The following SLC4A8 variants were observed in gnomAD, a reference collection of about 807,000 sequenced individuals.
The protein encoded by SLC4A8 is electroneutral sodium bicarbonate exchanger 1.
SLC4A8 carries 40 observed loss-of-function variants against 125.0 expected under a neutral mutation model. The ratio of observed to expected loss-of-function variants is 0.32; its 90% confidence interval spans 0.25 to 0.42. The LOEUF (loss-of-function observed/expected upper bound fraction) is 0.42, where lower values mean the gene tolerates loss of function less well. Ranked by LOEUF, SLC4A8 falls within the 10% of genes least tolerant of loss-of-function variation. SLC4A8 has a pLI of 1.00. For synonymous variants in SLC4A8, 456 were observed against 476.0 expected (o/e 0.96, Z 0.55); for missense variants, 863 against 1,355.1 (o/e 0.64, Z 5.70).
chr12:51,505,613 G>C (rs928906768), intron 23 of SLC4A8, among the ~76,000 whole-genome samples: 2 of 152,222 alleles, frequency 1.3e-5, no homozygotes, highest in African/African-American at 4.8e-5. Flanking sequence ...TGGCACACCA[G>C]CCCAGCTTTC....
intron 24 of SLC4A8, among the ~76,000 whole-genome samples, chr12:51,506,589 C>T (rs993049298): frequency 1.3e-5 from 2 of 152,062 alleles, no homozygotes; most frequent in Non-Finnish European, 2.9e-5. Flanking sequence ...TGCATGCCAC[C>T]CCTGCCAGAT....
intron 14 of SLC4A8, among the ~76,000 whole-genome samples, chr12:51,473,581 C>A (rs139479063): frequency 2.6e-5 from 4 of 152,290 alleles, no homozygotes; most frequent in African/African-American, 9.6e-5. Context: ...AGAAGGCATG[C>A]TTATTAAATT....
At chr12:51,479,374 T>C (rs1432057596) in intron 16 of SLC4A8, among the ~76,000 whole-genome samples, 2 of 152,188 alleles carry the variant, frequency 1.3e-5, no homozygotes, top group East Asian at 3.9e-4. Flanking sequence ...TGGAGGATGA[T>C]TGGGTGTTTG....
intron 21 of SLC4A8, among the ~76,000 whole-genome samples, chr12:51,496,342 G>GCCCT (rs1321893651): frequency 6.6e-6 from 1 of 152,082 alleles, no homozygotes; most frequent in Non-Finnish European, 1.5e-5. Context: ...GGCTAAAATG[G>GCCCT]CCCTCATGGA....
At chr12:51,469,557 T>C (rs1592237922) in intron 11 of SLC4A8, 57 bp from the exon 12 acceptor site, 1 of 1,500,656 alleles carries the variant, frequency 6.7e-7, no homozygotes, top group East Asian at 2.3e-5. Context: ...GTGTGCTGTT[T>C]ACATGCTTTT....
At chr12:51,424,059 A>AC (rs1565762185), upstream of SLC4A8, among the ~76,000 whole-genome samples, 1 of 66,096 alleles carries the variant, frequency 1.5e-5, no homozygotes, top group African/African-American at 5.1e-5. Flanking sequence ...AAAAACAAAA[A>AC]AAACAACAAA....
chr12:51,487,282 G>A (rs905609261), intron 17 of SLC4A8, among the ~76,000 whole-genome samples: 1 of 152,108 alleles, frequency 6.6e-6, no homozygotes, highest in Non-Finnish European at 1.5e-5. Flanking sequence ...CCAATCTGAA[G>A]GCTAGTACTA....
chr12:51,395,692 G>C (rs1241133232), intron 1 of SLC4A8, among the ~76,000 whole-genome samples: 1 of 152,156 alleles, frequency 6.6e-6, no homozygotes, highest in African/African-American at 2.4e-5. Flanking sequence ...GGTTAGTAGG[G>C]AGGCCAGCTG....
chr12:51,500,207 C>T (rs148982066), intron 22 of SLC4A8, among the ~76,000 whole-genome samples: 2 of 152,184 alleles, frequency 1.3e-5, no homozygotes, highest in African/African-American at 4.8e-5. Context: ...ATGTTAAGTT[C>T]GAGGTGGCTG....
At chr12:51,483,465 C>CTT (rs1951082057) in intron 16 of SLC4A8, among the ~76,000 whole-genome samples, 2 of 147,426 alleles carry the variant, frequency 1.4e-5, no homozygotes, top group Non-Finnish European at 3.0e-5. Flanking sequence ...TTCTTTTTTT[C>CTT]TTTTCTCTTT....
At chr12:51,500,656 G>T (rs1013484242) in intron 22 of SLC4A8, among the ~76,000 whole-genome samples, 7 of 151,336 alleles carry the variant, frequency 4.6e-5, no homozygotes, top group Non-Finnish European at 8.8e-5. Context: ...TTTTTTCTCT[G>T]TAATTATTTT....
intron 19 of SLC4A8, among the ~76,000 whole-genome samples, chr12:51,493,118 G>T (rs748565084): frequency 6.6e-6 from 1 of 152,116 alleles, no homozygotes; most frequent in Non-Finnish European, 1.5e-5. Flanking sequence ...TCAATCTGAA[G>T]ATTACCTAGG....
In SLC4A8 at chr12:51,453,776, CAGAA is replaced by C. The variant is rs909741883; in HGVS notation, c.574+82_574+85del. On this transcript the variant is annotated intron_variant, in intron 5 of 24. Coordinates refer to ENST00000453097, the MANE Select transcript of SLC4A8 (RefSeq NM_001039960.3). ...GTGGGAAAAAAGGAGTGTGGCGTGA[CAGAA>C]AGAATACAGTGGGTTGTGTGTCCTT... is the stretch of plus-strand genomic sequence containing the variant. 4 of 1,356,608 alleles carry C rather than the reference CAGAA, an allele frequency of 2.9e-6. No homozygotes were observed. In the African/African-American group the frequency reaches 4.4e-5, roughly 15 times the overall value. The allele number at this position is 1,356,608 out of a possible 1,614,324, so 84.0% of individuals were successfully genotyped here.
intron 18 of SLC4A8, among the ~76,000 whole-genome samples, 195 bp from the exon 19 acceptor site, chr12:51,489,505 C>G (rs1429312142): frequency 1.3e-5 from 2 of 152,190 alleles, no homozygotes; most frequent in Non-Finnish European, 2.9e-5. Context: ...ATATATAGGA[C>G]AGGCTAAGAT....
chr12:51,410,583 G>A lies in SLC4A8; in HGVS notation c.-112+19095G>A, dbSNP rs1592145585. On this transcript the variant is annotated intron_variant, in intron 1 of 24. Transcript: ENST00000358657. Reference sequence around the variant, plus strand: ...AGCAATTCTCCTGTCTCAGCCTCCCGAATAGCTGGGATTACAGGTATGCGC... The same window carrying A: ...AGCAATTCTCCTGTCTCAGCCTCCCAAATAGCTGGGATTACAGGTATGCGC... 3.3e-5 allele frequency among the ~76,000 whole-genome samples: 5 copies of A among 151,456 alleles called. No individual in the cohort carries two copies. The East Asian group carries it at 5.9e-4, about 18-fold the overall frequency.
intron 1 of SLC4A8, among the ~76,000 whole-genome samples, chr12:51,402,491 G>T (rs575036675): frequency 1.2e-4 from 18 of 152,278 alleles, no homozygotes; most frequent in African/African-American, 4.3e-4. Context: ...GGAGGCTAAG[G>T]TGCGTGGATC....
At chr12:51,472,372 A>C (rs527608312) in intron 14 of SLC4A8, among the ~76,000 whole-genome samples, 1 of 152,314 alleles carries the variant, frequency 6.6e-6, no homozygotes, top group South Asian at 2.1e-4. Flanking sequence ...CCAGCGACAG[A>C]TACACTTTCA....
chr12:51,465,539 C>T (rs576464571), intron 11 of SLC4A8, among the ~76,000 whole-genome samples: 3 of 152,230 alleles, frequency 2.0e-5, no homozygotes, highest in East Asian at 1.9e-4. Context: ...ATTCACAAAC[C>T]GCAAGTATCT....
chr12:51,450,064 G>GGGA (rs1361170349), intron 2 of SLC4A8, among the ~76,000 whole-genome samples: 2 of 152,090 alleles, frequency 1.3e-5, no homozygotes, highest in Non-Finnish European at 2.9e-5. Flanking sequence ...AGAGGAACTA[G>GGGA]GGAGGGAACA....
Sources: gnomAD v4.1 joint callset for allele counts (sites outside exome capture counted in the v4.1 genomes callset) on GRCh38, gnomAD v4.1.1 for gene constraint, MANE v1.5 for transcripts, NCBI Gene and HGNC (gene_info 2026-07-23, HGNC 2026-07-21) for gene names.